LRRC37A2: variants seen among roughly 807,000 people sequenced by gnomAD.
LRRC37A2 encodes leucine rich repeat containing 37 member A2.
Under a neutral mutation model 68.8 loss-of-function variants are expected in LRRC37A2, and 9 were observed. The observed-to-expected ratio is 0.13, with a 90% CI of 0.08 to 0.23. The LOEUF is 0.23. LRRC37A2 is among the 10% of genes least tolerant of loss of function. The pLI is 1.00. For missense variants in LRRC37A2, 168 were observed against 950.4 expected (o/e 0.18, Z 10.82); for synonymous variants, 63 against 367.6 (o/e 0.17, Z 9.48).
chr17:47,043,483 A>C, the LRRC37A2 span, among the ~76,000 whole-genome samples: 2 of 142,430 alleles, frequency 1.4e-5, no homozygotes, highest in African/African-American at 5.0e-5. Flanking sequence ...CGGGCGACAG[A>C]GTGAGACTCC....
At chr17:46,727,553 C>T in the LRRC37A2 span, among the ~76,000 whole-genome samples, 1 of 152,030 alleles carries the variant, frequency 6.6e-6, no homozygotes, top group Non-Finnish European at 1.5e-5. Context: ...TGCTTTTGGT[C>T]CTCTGTTATT....
the LRRC37A2 span, among the ~76,000 whole-genome samples, chr17:46,818,042 G>A: frequency 9.9e-5 from 15 of 152,090 alleles, no homozygotes; most frequent in Non-Finnish European, 2.1e-4. Flanking sequence ...GAAGGCAAAG[G>A]GGGGTTATTA....
At chr17:46,928,008 T>C in the LRRC37A2 span, among the ~76,000 whole-genome samples, 122 of 152,312 alleles carry the variant, frequency 8.0e-4, no homozygotes, top group African/African-American at 2.8e-3. Flanking sequence ...CTGTACCTGT[T>C]CCCTTGGTTG....
chr17:46,771,892 C>CCCCCGCCCCCCGCCCCCGCCCT, the LRRC37A2 span, among the ~76,000 whole-genome samples: 1 of 144,066 alleles, frequency 6.9e-6, no homozygotes, highest in Admixed American at 6.8e-5. Context: ...GCCCCCGCCC[C>CCCCCGCCCCCCGCCCCCGCCCT]TGCCCCCGCC....
chr17:46,589,340 ATTTTTTT>A, the LRRC37A2 span, among the ~76,000 whole-genome samples: 2 of 78,672 alleles, frequency 2.5e-5, no homozygotes, highest in South Asian at 4.8e-4. Flanking sequence ...ATAGGCGTGA[ATTTTTTT>A]TTTTTTTTTT....
the LRRC37A2 span, among the ~76,000 whole-genome samples, chr17:46,942,385 C>T: frequency 3.3e-5 from 5 of 152,204 alleles, no homozygotes; most frequent in Non-Finnish European, 7.3e-5. Context: ...CATTTATCCT[C>T]ATTATGCAGA....
the LRRC37A2 span, among the ~76,000 whole-genome samples, chr17:46,798,544 T>C: frequency 1.3e-5 from 2 of 152,318 alleles, no homozygotes; most frequent in East Asian, 3.9e-4. Context: ...TCACCCTGAA[T>C]TCCTTCTCAG....
the LRRC37A2 span, among the ~76,000 whole-genome samples, chr17:46,997,391 C>T: frequency 1.3e-5 from 2 of 152,080 alleles, no homozygotes; most frequent in Non-Finnish European, 2.9e-5. Context: ...CATTTCTAAC[C>T]CCCAGTGAAG....
the LRRC37A2 span, among the ~76,000 whole-genome samples, chr17:46,821,471 A>G: frequency 6.6e-5 from 10 of 152,186 alleles, no homozygotes; most frequent in Non-Finnish European, 1.0e-4. Flanking sequence ...CACACATCAC[A>G]GATAGAAACA....
chr17:46,912,391 C>G, the LRRC37A2 span, among the ~76,000 whole-genome samples: 4 of 152,226 alleles, frequency 2.6e-5, no homozygotes, highest in Admixed American at 2.6e-4. Flanking sequence ...GTCCAGCTCC[C>G]CGATGACCTG....
the LRRC37A2 span, chr17:46,966,384 A>G: frequency 5.4e-6 from 3 of 550,750 alleles, no homozygotes; most frequent in South Asian, 2.5e-5. Context: ...ACACCTCTTC[A>G]AGGCCCTCAG....
chr17:46,973,627 G>A, the LRRC37A2 span, among the ~76,000 whole-genome samples: 1 of 152,168 alleles, frequency 6.6e-6, no homozygotes. Flanking sequence ...CCGCAATGCT[G>A]TCATCTCAGA....
At chr17:47,008,189 C>A in the LRRC37A2 span, among the ~76,000 whole-genome samples, 1 of 150,864 alleles carries the variant, frequency 6.6e-6, no homozygotes, top group African/African-American at 2.4e-5. Context: ...CGGCTCACTG[C>A]AAGCTCTGTC....
the LRRC37A2 span, among the ~76,000 whole-genome samples, chr17:46,731,431 A>G: frequency 2.0e-5 from 3 of 152,242 alleles, no homozygotes; most frequent in South Asian, 2.1e-4. Flanking sequence ...GGTGTTGTGT[A>G]TATCTGTGAA....
the LRRC37A2 span, among the ~76,000 whole-genome samples, chr17:46,974,651 G>A: frequency 5.0e-4 from 76 of 151,914 alleles, no homozygotes; most frequent in Non-Finnish European, 1.0e-4. Context: ...GGAGGATGGC[G>A]TGAACCCGGG....
chr17:46,713,126 A>G, the LRRC37A2 span: 1 of 152,224 alleles, frequency 6.6e-6, no homozygotes, highest in Admixed American at 6.5e-5. Flanking sequence ...GAGGGGTATG[A>G]TGTTCAGAAA....
the LRRC37A2 span, among the ~76,000 whole-genome samples, chr17:46,583,587 G>GCACA: frequency 1.3e-5 from 1 of 78,680 alleles, no homozygotes; most frequent in African/African-American, 3.6e-5. Flanking sequence ...GAGCCACGGT[G>GCACA]CCCAGCAAGG....
At chr17:46,768,456 T>G in the LRRC37A2 span, 1 of 1,614,130 alleles carries the variant, frequency 6.2e-7, no homozygotes. The surrounding 1 kb of genome is among the most constrained non-coding windows in gnomAD (Gnocchi z 5.0). Flanking sequence ...GCAGAGCAGA[T>G]CGCAGCCATC....
chr17:46,537,293 C>T (rs1436258332), intron 6 of LRRC37A2, among the ~76,000 whole-genome samples: 1 of 1,326 alleles, frequency 7.5e-4, no homozygotes, highest in Non-Finnish European at 1.1e-3. Context: ...CTCAGCCTCC[C>T]GAGTAGCTGG....
Sources: allele counts gnomAD v4.1 joint callset (sites outside exome capture counted in the v4.1 genomes callset), GRCh38; gene constraint gnomAD v4.1.1; non-coding constraint Gnocchi (gnomAD v3.1); transcripts MANE v1.5; gene names NCBI Gene and HGNC (gene_info 2026-07-23, HGNC 2026-07-21).